CCDC171: variants seen among roughly 807,000 people sequenced by gnomAD.
CCDC171 encodes the protein coiled-coil domain containing 171, also known as coiled-coil domain-containing protein 171.
In CCDC171, 177 loss-of-function variants were observed where a neutral mutation model predicts 168.2. The ratio of observed to expected loss-of-function variants is 1.05; its 90% CI spans 0.93 to 1.19. The LOEUF (loss-of-function observed/expected upper bound fraction) is 1.19. Among genes scored for constraint, CCDC171 ranks in the 50% most tolerant of loss-of-function variants. CCDC171 has a pLI of 0.00. For missense variants in CCDC171, 1,991 were observed against 1,539.0 expected (o/e 1.29, Z -4.91); for synonymous variants, 687 against 540.8 (o/e 1.27, Z -3.75).
At chr9:16,073,024 C>T in the CCDC171 span, among the ~76,000 whole-genome samples, 1 of 152,208 alleles carries the variant, frequency 6.6e-6, no homozygotes, top group East Asian at 1.9e-4. Context: ...TGCTTTACCT[C>T]TCTAAGCCTG....
At chr9:15,773,521 G>C (rs1285059413) in intron 18 of CCDC171, among the ~76,000 whole-genome samples, 1 of 152,086 alleles carries the variant, frequency 6.6e-6, no homozygotes, top group Non-Finnish European at 1.5e-5. Context: ...TTTCATTAAA[G>C]ACACATTTTA....
rs764090202 is a variant in CCDC171 at position 15,777,712 on chromosome 9, C to G, written c.2784C>G (p.Ser928Arg). 9 of 1,613,454 alleles carry G rather than the reference C, an allele frequency of 5.6e-6. No individual in the cohort carries two copies. In the East Asian group the frequency reaches 1.8e-4, roughly 32 times the overall value. ...TGGAATGTATACCTCTGCACAGTAGCAGGAGTATTACATATGTAGAAAAAG... is the reference window on the plus strand; with the variant it reads ...TGGAATGTATACCTCTGCACAGTAGGAGGAGTATTACATATGTAGAAAAAG... ...LVMECIPLHS[S>R]RSITYVEKDS... Residue 928 changes from serine to arginine, a missense_variant, in exon 19 of 26, where the codon AGC (serine) becomes AGG (arginine). Transcript: ENST00000380701.
intron 3 of CCDC171, among the ~76,000 whole-genome samples, chr9:15,980,007 A>T (rs1831744073): frequency 6.6e-6 from 1 of 152,016 alleles, no homozygotes; most frequent in African/African-American, 2.4e-5. Flanking sequence ...ACAGTTTTTG[A>T]TTATTTAATC....
At chr9:15,983,000 A>G (rs1357033972) in intron 3 of CCDC171, among the ~76,000 whole-genome samples, 3 of 152,142 alleles carry the variant, frequency 2.0e-5, no homozygotes, top group Admixed American at 6.5e-5. Context: ...ACTTCCTACA[A>G]ATAAATCCCA....
At position 15,558,439 on chromosome 9, in the gene CCDC171, A is replaced by C. The variant is rs576992513; in HGVS notation, c.-112+5137A>C. On this transcript the variant is annotated intron_variant, in intron 1 of 25. Coordinates refer to ENST00000380701, the MANE Select transcript of CCDC171 (RefSeq NM_173550.4). Reference sequence around the variant, plus strand: ...TGTTATTGGTCTTTTCAGGGATTCAACTTCTTCCTGGTTTAGTCTTGGGTG... The same window carrying C: ...TGTTATTGGTCTTTTCAGGGATTCACCTTCTTCCTGGTTTAGTCTTGGGTG... Among the ~76,000 whole-genome samples the C allele has an allele frequency of 1.4e-3, 208 of 152,266 alleles. 1 individual carries two copies. In the Middle Eastern group the frequency reaches 0.027, roughly 20 times the overall value.
chr9:15,722,209 G>GT (rs1443799982), intron 12 of CCDC171, among the ~76,000 whole-genome samples: 5 of 152,120 alleles, frequency 3.3e-5, no homozygotes, highest in African/African-American at 9.7e-5. Context: ...ATGTCAGTGT[G>GT]TTTTTATGAC....
intron 24 of CCDC171, among the ~76,000 whole-genome samples, chr9:15,880,405 T>A (rs1818461745): frequency 1.3e-5 from 2 of 152,136 alleles, no homozygotes; most frequent in South Asian, 4.1e-4. Flanking sequence ...GAATACAATG[T>A]GCAATAATTA....
At chr9:15,953,806 G>A (rs900836666) in intron 25 of CCDC171, among the ~76,000 whole-genome samples, 1 of 151,986 alleles carries the variant, frequency 6.6e-6, no homozygotes, top group Non-Finnish European at 1.5e-5. Context: ...TTTGGTCCTA[G>A]GCTTCTCTTG....
chr9:15,984,591 G>A (rs961757301), intron 3 of CCDC171, among the ~76,000 whole-genome samples: 1 of 151,926 alleles, frequency 6.6e-6, no homozygotes, highest in African/African-American at 2.4e-5. Flanking sequence ...ATGCGTCATG[G>A]GGTTATTTTA....
intron 24 of CCDC171, among the ~76,000 whole-genome samples, chr9:15,917,157 A>G (rs1824644055): frequency 1.3e-5 from 2 of 151,890 alleles, no homozygotes; most frequent in Non-Finnish European, 2.9e-5. Context: ...TTTACTGTAT[A>G]GTTTGAATCA....
chr9:15,840,197 A>C (rs2060618019), intron 21 of CCDC171, among the ~76,000 whole-genome samples: 1 of 152,090 alleles, frequency 6.6e-6, no homozygotes, highest in South Asian at 2.1e-4. Context: ...TTTTCAACAA[A>C]GTTTTTTATT....
At chr9:15,731,494 G>A (rs1170309662) in intron 16 of CCDC171, among the ~76,000 whole-genome samples, 2 of 152,070 alleles carry the variant, frequency 1.3e-5, no homozygotes, top group African/African-American at 2.4e-5. Flanking sequence ...CAATATTAAT[G>A]TTCCGAGCAT....
At position 15,856,883 on chromosome 9, in the gene CCDC171, A is replaced by T. The variant is rs182586916; in HGVS notation, c.3468+7936A>T. 8.8e-3 allele frequency among the ~76,000 whole-genome samples: 1,332 copies of T among 152,010 alleles called. 23 individuals carry two copies. Among genetic ancestry groups the T allele is most frequent in the Admixed American group, 0.037 (562 of 15,248 alleles). On this transcript the variant is annotated intron_variant, in intron 23 of 25. Transcript: ENST00000380701. ...TTGCCAATCCTTGTCTTTTAAAAAA[A>T]TTTTTTGTAATAGTCATCCTAATAG... is the stretch of plus-strand genomic sequence containing the variant.
chr9:15,645,791 A>T (rs1474824040), intron 7 of CCDC171, among the ~76,000 whole-genome samples: 1 of 152,212 alleles, frequency 6.6e-6, no homozygotes, highest in Non-Finnish European at 1.5e-5. Flanking sequence ...TGAAAGTGAC[A>T]GGGAGAATGG....
At chr9:16,047,831 A>G (rs1365801110) in intron 1 of CCDC171, among the ~76,000 whole-genome samples, 1 of 152,240 alleles carries the variant, frequency 6.6e-6, no homozygotes, top group Non-Finnish European at 1.5e-5. Context: ...TTAAGAGATC[A>G]ATAAATATTC....
chr9:15,567,596 C>T (rs1340988132), intron 2 of CCDC171, among the ~76,000 whole-genome samples: 1 of 151,902 alleles, frequency 6.6e-6, no homozygotes, highest in East Asian at 1.9e-4. Context: ...TGTCTTTCCA[C>T]TTGTTTAGCT....
chr9:15,663,978 T>A (rs1295156209), intron 8 of CCDC171, among the ~76,000 whole-genome samples: 1 of 152,186 alleles, frequency 6.6e-6, no homozygotes, highest in African/African-American at 2.4e-5. Flanking sequence ...TGGATGGAAC[T>A]GGAGGCCATT....
At chr9:15,939,151 C>A (rs965668526) in intron 25 of CCDC171, among the ~76,000 whole-genome samples, 1 of 150,902 alleles carries the variant, frequency 6.6e-6, no homozygotes, top group Non-Finnish European at 1.5e-5. Context: ...TATGTCTACA[C>A]CTATTTATAT....
At chr9:16,107,692 T>G in the CCDC171 span, among the ~76,000 whole-genome samples, 1 of 152,190 alleles carries the variant, frequency 6.6e-6, no homozygotes, top group Non-Finnish European at 1.5e-5. Flanking sequence ...ACATGTCTCT[T>G]AACCCCTAAA....
Sources: allele counts gnomAD v4.1 joint callset (sites outside exome capture counted in the v4.1 genomes callset), GRCh38; gene constraint gnomAD v4.1.1; transcripts MANE v1.5; gene names NCBI Gene and HGNC (gene_info 2026-07-23, HGNC 2026-07-21).